Variants in MARK2 observed in about 807,000 individuals in gnomAD.
MARK2 encodes serine/threonine-protein kinase MARK2.
Under a neutral mutation model 89.8 loss-of-function variants are expected in MARK2, and 16 were observed. The observed-to-expected ratio is 0.18, with a 90% CI of 0.12 to 0.27. The LOEUF (loss-of-function observed/expected upper bound fraction) is 0.27, where lower values mean the gene tolerates loss of function less well. MARK2 is among the 10% of genes least tolerant of loss of function. The probability of loss-of-function intolerance (pLI) is 1.00; values close to 1 mark genes in which losing one functional copy is unlikely to be tolerated. For missense variants in MARK2, 621 were observed against 1,049.9 expected (o/e 0.59, Z 5.65); for synonymous variants, 382 against 399.5 (o/e 0.96, Z 0.52).
chr11:63,900,430 C>T lies in MARK2; in HGVS notation c.769-129C>T. ...TCTGGTGAGGTGTCTTGTCCCCAGG[C>T]TGTCTGCCTTCTTCCATATTTCATT... On this transcript the variant is annotated intron_variant, in intron 8 of 18. Coordinates refer to ENST00000402010, the MANE Select transcript of MARK2 (RefSeq NM_001039469.3). The surrounding 1 kb of genome is among the most constrained non-coding windows in gnomAD (Gnocchi z 4.7). The T allele has an allele frequency of 8.9e-7, 1 of 1,123,564 alleles. No homozygotes were observed. The highest frequency in any genetic ancestry group is 1.5e-5 in the South Asian group (1 of 68,642). 69.6% of individuals were successfully genotyped at this position (1,123,564 alleles called of 1,614,324 possible).
intron 1 of MARK2, among the ~76,000 whole-genome samples, chr11:63,851,727 T>A (rs1366940403): frequency 6.6e-6 from 1 of 152,182 alleles, no homozygotes; most frequent in South Asian, 2.1e-4. Flanking sequence ...CTCTCATTCC[T>A]CTGATTTCTG....
chr11:63,885,694 C>T (rs1939352096), intron 1 of MARK2, among the ~76,000 whole-genome samples: 1 of 151,502 alleles, frequency 6.6e-6, no homozygotes, highest in African/African-American at 2.4e-5. Context: ...ATGATCTGGA[C>T]GTGGTGGCAC....
intron 1 of MARK2, among the ~76,000 whole-genome samples, chr11:63,892,532 CTT>C (rs1281992679): frequency 6.6e-6 from 1 of 152,116 alleles, no homozygotes; most frequent in African/African-American, 2.4e-5. Context: ...AAAGGAAGAA[CTT>C]TCACTCACAC....
At position 63,888,974 on chromosome 11, in the gene MARK2, C is replaced by T. The variant is rs778424348; in HGVS notation, c.55-6185C>T. ...CCCTTTCTCCAGTCGGGTATGTTGT[C>T]CCCCTTTTTACTCTAGGATTGCCTC... On this transcript the variant is annotated intron_variant, in intron 1 of 18. Coordinates refer to ENST00000402010, the MANE Select transcript of MARK2 (RefSeq NM_001039469.3). 1.4e-5 allele frequency: 19 copies of T among 1,350,810 alleles called. No homozygotes were observed. The East Asian group carries it at 2.3e-4, about 16-fold the overall frequency. 83.7% of individuals were successfully genotyped at this position (1,350,810 alleles called of 1,614,324 possible).
At chr11:63,895,657 CCTT>C (rs1178624842) in intron 3 of MARK2, 24 bp downstream of exon 3, 2 of 1,420,750 alleles carry the variant, frequency 1.4e-6, no homozygotes, top group African/African-American at 1.6e-5. Flanking sequence ...ACCTCCTGTC[CCTT>C]TTTTTTTTTT....
At position 63,909,390 on chromosome 11, in the gene MARK2, C is replaced by T. The variant is rs1009165516; in HGVS notation, c.*153C>T. ...CCTGGCCCTTCTCAGTTTTCTCTTA[C>T]ATGTTTGTGGGGGGTGGGAGATTGT... On this transcript the variant is annotated 3_prime_UTR_variant, in exon 19 of 19. Coordinates refer to ENST00000402010, the MANE Select transcript of MARK2 (RefSeq NM_001039469.3). 16 of 786,696 alleles carry T rather than the reference C, an allele frequency of 2.0e-5. No homozygotes were observed. The Admixed American group carries it at 4.4e-4, about 22-fold the overall frequency. 48.7% of individuals were successfully genotyped at this position (786,696 alleles called of 1,614,324 possible).
Position 63,855,533 on chromosome 11 carries a change from A to C in MARK2, c.54+15973A>C, listed in dbSNP as rs568075276. Among the ~76,000 whole-genome samples, 79 of 152,156 alleles carry C rather than the reference A, an allele frequency of 5.2e-4. 1 individual carries two copies. The highest frequency in any genetic ancestry group is 5.2e-3 in the South Asian group (25 of 4,818). On this transcript the variant is annotated intron_variant, in intron 1 of 18. Transcript: ENST00000402010. Reference sequence around the variant, plus strand: ...TGAGACCTTATTTCAAAAACAAAAAAAAAAAAAAACAGTGCAGGATGACTA... The same window carrying C: ...TGAGACCTTATTTCAAAAACAAAAACAAAAAAAAACAGTGCAGGATGACTA...
intron 1 of MARK2, among the ~76,000 whole-genome samples, chr11:63,855,972 T>G (rs890825203): frequency 6.6e-6 from 1 of 152,200 alleles, no homozygotes; most frequent in Non-Finnish European, 1.5e-5. Flanking sequence ...TTTTTAAAAT[T>G]AGTTTCAATT....
chr11:63,898,344 A>G lies in MARK2; in HGVS notation c.337+64A>G, dbSNP rs1215146556. Reference sequence around the variant, plus strand: ...GCAAGGCACTGCTTTCCAGCATGTCATCTTCTCCCCGAGGTGCACTGCCTT... The same window carrying G: ...GCAAGGCACTGCTTTCCAGCATGTCGTCTTCTCCCCGAGGTGCACTGCCTT... On this transcript the variant is annotated intron_variant, in intron 4 of 18. Coordinates refer to ENST00000402010, the MANE Select transcript of MARK2 (RefSeq NM_001039469.3). 5 of 1,484,068 alleles carry G rather than the reference A, an allele frequency of 3.4e-6. No homozygotes were observed. The African/African-American group carries it at 4.2e-5, about 12-fold the overall frequency. 91.9% of individuals were successfully genotyped at this position (1,484,068 alleles called of 1,614,324 possible).
intron 1 of MARK2, among the ~76,000 whole-genome samples, chr11:63,886,196 A>G (rs1397421435): frequency 6.6e-6 from 1 of 150,912 alleles, no homozygotes; most frequent in African/African-American, 2.4e-5. Context: ...GCACGATCAT[A>G]GCTCACTGTT....
At chr11:63,895,461 T>C (rs1384785567) in intron 2 of MARK2, 119 bp from the exon 3 acceptor site, 9 of 1,416,044 alleles carry the variant, frequency 6.4e-6, no homozygotes, top group South Asian at 2.3e-5. Flanking sequence ...ATCTGAGATA[T>C]AGGGGTGCAA....
In MARK2 at chr11:63,903,688, C is replaced by G. The variant is rs1465086293; in HGVS notation, c.1515-298C>G. On this transcript the variant is annotated intron_variant, in intron 14 of 18. Coordinates refer to ENST00000402010, the MANE Select transcript of MARK2 (RefSeq NM_001039469.3). The surrounding 1 kb of genome is among the most constrained non-coding windows in gnomAD (Gnocchi z 5.1). The stretch of plus-strand genomic sequence containing the variant: ...TTTCTGTAGAAGAAACTCTCCTGTT[C>G]TTAAAATTCTTAGGAGGCCAGTGCA... Among the ~76,000 whole-genome samples the G allele has an allele frequency of 1.3e-5, 2 of 152,190 alleles. No individual in the cohort carries two copies. The highest frequency in any genetic ancestry group is 2.9e-5 in the Non-Finnish European group (2 of 68,020).
intron 1 of MARK2, among the ~76,000 whole-genome samples, chr11:63,862,176 C>T (rs951138897): frequency 5.9e-5 from 9 of 152,062 alleles, no homozygotes; most frequent in African/African-American, 9.7e-5. Context: ...CCACCCATCT[C>T]AGCTTCCCAA....
At chr11:63,888,997 C>T in intron 1 of MARK2, 1 of 1,333,310 alleles carries the variant, frequency 7.5e-7, no homozygotes, top group South Asian at 1.1e-5. Context: ...CTAGGATTGC[C>T]TCCTCCTCTT....
In MARK2 at chr11:63,904,755, G is replaced by A. The variant is rs370073254; in HGVS notation, c.1677-31G>A. ...TGATGGCTGTCCTGTACCCTAATTC[G>A]TCCCCCTCAACCCCACTTCTCTTCC... On this transcript the variant is annotated intron_variant, in intron 15 of 18. Transcript: ENST00000402010. The surrounding 1 kb of genome is among the most constrained non-coding windows in gnomAD (Gnocchi z 6.3). 3.4e-5 allele frequency: 55 copies of A among 1,602,594 alleles called. No individual in the cohort carries two copies. The highest frequency in any genetic ancestry group is 1.9e-4 in the Middle Eastern group (1 of 5,186).
intron 3 of MARK2, among the ~76,000 whole-genome samples, chr11:63,897,870 T>C (rs568340574): frequency 1.3e-5 from 2 of 152,294 alleles, no homozygotes; most frequent in African/African-American, 4.8e-5. Context: ...GTACTGTCAC[T>C]GAACCAAGGC....
chr11:63,856,332 T>TTG (rs1565100362), intron 1 of MARK2, among the ~76,000 whole-genome samples: 23 of 149,182 alleles, frequency 1.5e-4, no homozygotes, highest in African/African-American at 4.9e-4. Flanking sequence ...TTTTTTTTTT[T>TTG]TTTTTAAATA....
At chr11:63,864,755 A>T (rs1010526708) in intron 1 of MARK2, among the ~76,000 whole-genome samples, 1 of 148,382 alleles carries the variant, frequency 6.7e-6, no homozygotes, top group Non-Finnish European at 1.5e-5. Context: ...TCACAGCTGT[A>T]TTCTCAGCAC....
At chr11:63,878,013 C>G (rs942886042) in intron 1 of MARK2, among the ~76,000 whole-genome samples, 1 of 152,188 alleles carries the variant, frequency 6.6e-6, no homozygotes. Flanking sequence ...TAACAGGATC[C>G]GGTTCTCAGT....
Sources: gnomAD v4.1 joint callset for allele counts (sites outside exome capture counted in the v4.1 genomes callset) on GRCh38, gnomAD v4.1.1 for gene constraint, Gnocchi (gnomAD v3.1) non-coding constraint, MANE v1.5 for transcripts, NCBI Gene and HGNC (gene_info 2026-07-23, HGNC 2026-07-21) for gene names.